Variants in RAB37 observed in about 807,000 individuals in gnomAD.
The protein encoded by RAB37 is ras-related protein Rab-37.
A neutral mutation model predicts 33.1 loss-of-function variants in RAB37; 29 were observed. The observed-to-expected ratio is 0.88, with a 90% CI of 0.65 to 1.20. The LOEUF (loss-of-function observed/expected upper bound fraction) is 1.20, where lower values mean the gene tolerates loss of function less well. Ranked by LOEUF, RAB37 falls within the 50% of genes most tolerant of loss-of-function variation. The pLI is 0.00. For synonymous variants in RAB37, 128 were observed against 119.5 expected, an observed-to-expected ratio of 1.07 and a Z score of -0.47; for missense variants, 299 against 301.1, an observed-to-expected ratio of 0.99 and a Z score of 0.05.
At chr17:74,709,687 T>G (rs2033805630) in intron 1 of RAB37, among the ~76,000 whole-genome samples, 2 of 151,914 alleles carry the variant, frequency 1.3e-5, no homozygotes, top group Admixed American at 1.3e-4. Context: ...TGCTGTAACC[T>G]CTTATGTAGC....
upstream of RAB37, chr17:74,737,031 C>T: frequency 6.2e-7 from 1 of 1,607,066 alleles, no homozygotes; most frequent in Non-Finnish European, 8.5e-7. Context: ...GTCCGAAGCG[C>T]ACGGAGCCGA....
upstream of RAB37, among the ~76,000 whole-genome samples, chr17:74,732,539 G>A (rs375180517): frequency 5.3e-3 from 803 of 150,142 alleles, 3 homozygotes; most frequent in African/African-American, 0.019. Context: ...TGCGTGGTGA[G>A]GTGTGTGGTG....
At chr17:74,728,933 CTG>C (rs1321104447) in intron 1 of RAB37, among the ~76,000 whole-genome samples, 3 of 150,814 alleles carry the variant, frequency 2.0e-5, no homozygotes, top group South Asian at 4.2e-4. Context: ...ATGTATGTTT[CTG>C]TGTCGTGTGT....
At chr17:74,678,912 A>G (rs930716785) in intron 1 of RAB37, among the ~76,000 whole-genome samples, 2 of 152,112 alleles carry the variant, frequency 1.3e-5, no homozygotes, top group African/African-American at 4.8e-5. Context: ...GGAGTTCAAG[A>G]TCAGCCTGGC....
upstream of RAB37, among the ~76,000 whole-genome samples, chr17:74,734,095 T>C (rs11869115): frequency 0.24 from 35,889 of 152,120 alleles, 6,750 homozygotes; most frequent in African/African-American, 0.51. Context: ...GCCAACAACG[T>C]GAACCACAGC....
At chr17:74,700,305 C>G (rs1377225644) in intron 1 of RAB37, among the ~76,000 whole-genome samples, 1 of 152,160 alleles carries the variant, frequency 6.6e-6, no homozygotes, top group Non-Finnish European at 1.5e-5. Flanking sequence ...CTGCTTCACT[C>G]CAGCCTCACT....
chr17:74,709,746 T>C (rs1306099032), intron 1 of RAB37, among the ~76,000 whole-genome samples: 1 of 152,028 alleles, frequency 6.6e-6, no homozygotes, highest in Non-Finnish European at 1.5e-5. Flanking sequence ...GCTAGTATTT[T>C]TTTTTTTGGA....
chr17:74,691,369 C>G (rs755766500), intron 1 of RAB37, among the ~76,000 whole-genome samples: 1 of 152,136 alleles, frequency 6.6e-6, no homozygotes, highest in Non-Finnish European at 1.5e-5. Flanking sequence ...ATGGGTTTAT[C>G]ACGTTGCCCA....
rs2034783872 is a variant in RAB37 at position 74,747,297 on chromosome 17, T to C, written c.*1886T>C. On this transcript the variant is annotated 3_prime_UTR_variant, in exon 9 of 9. Transcript: ENST00000392613. ...TAGACAGCTCTGGGCCTCTTGCATT[T>C]GAGTTTTTCAGAATTAAACTGCAGT... 1 of 151,544 alleles carries C rather than the reference T, an allele frequency of 6.6e-6. No homozygotes were observed. The highest frequency in any genetic ancestry group is 1.5e-5 in the Non-Finnish European group (1 of 67,922). The allele number at this position is 151,544 out of a possible 1,614,324, so 9.4% of individuals were successfully genotyped here. A position where few individuals can be genotyped will look rare whatever the true frequency, so the allele number is the denominator to read the frequency against.
At chr17:74,710,606 C>T (rs956413166) in intron 1 of RAB37, among the ~76,000 whole-genome samples, 1 of 151,974 alleles carries the variant, frequency 6.6e-6, no homozygotes, top group Non-Finnish European at 1.5e-5. Context: ...CGCCTGTAAT[C>T]CCAACACTTT....
chr17:74,671,468 C>G lies in RAB37; in HGVS notation c.-119C>G. 1.1e-6 allele frequency: 1 copy of G among 911,562 alleles called. No homozygotes were observed. The highest frequency in any genetic ancestry group is 1.7e-6 in the Non-Finnish European group (1 of 589,216). The allele number at this position is 911,562 out of a possible 1,614,324, so 56.5% of individuals were successfully genotyped here. ...AACTGTCCAGTGCTGAAAACGGATG[C>G]GGCCCGGCCCGCAGAGCTCAGACCC... On this transcript the variant is annotated 5_prime_UTR_variant, in exon 1 of 8. Transcript: ENST00000340415. This position sits in a 1 kb window ranked among gnomAD's most constrained non-coding sequence, Gnocchi z 5.0.
At chr17:74,678,110 G>C (rs1433014173) in intron 1 of RAB37, among the ~76,000 whole-genome samples, 2 of 152,128 alleles carry the variant, frequency 1.3e-5, no homozygotes, top group Non-Finnish European at 2.9e-5. Context: ...TACCCTTCTT[G>C]CTTCCTTCCT....
rs2034633915 is a variant in RAB37 at position 74,742,134 on chromosome 17, G to C, written c.205-120G>C. On this transcript the variant is annotated intron_variant, in intron 2 of 8. Coordinates refer to ENST00000392613, the MANE Select transcript of RAB37 (RefSeq NM_001006638.3). This position sits in a 1 kb window ranked among gnomAD's most constrained non-coding sequence, Gnocchi z 4.0. ...GCCCTGATGGTATGATCTGGCTGGA[G>C]ACGGTTCTGGGGCTCACTGCACCCA... 2 of 1,229,328 alleles carry C rather than the reference G, an allele frequency of 1.6e-6. No homozygotes were observed. Among genetic ancestry groups the C allele is most frequent in the South Asian group, 2.7e-5 (2 of 73,988 alleles). 76.2% of individuals were successfully genotyped at this position (1,229,328 alleles called of 1,614,324 possible).
chr17:74,728,639 C>T (rs1235898234), intron 1 of RAB37, among the ~76,000 whole-genome samples: 1 of 148,874 alleles, frequency 6.7e-6, no homozygotes, highest in African/African-American at 2.5e-5. Flanking sequence ...GCATCTGTTT[C>T]TGTATGTATA....
In RAB37 at chr17:74,729,367, GTAA is replaced by G; in HGVS notation, c.183+2_183+4del. On this transcript the variant is annotated splice_donor_variant and splice_donor_region_variant and intron_variant, in intron 2 of 7. Coordinates refer to the RAB37 transcript ENST00000340415. LOFTEE classifies it high-confidence loss of function. The surrounding 1 kb of genome is among the most constrained non-coding windows in gnomAD (Gnocchi z 4.2). ...GGCCACTGTGGGCATCGGATTCACGGTAAGCACTGGCCGGCACTGCCAGCTCTG... is the reference window on the plus strand; with the variant it reads ...GGCCACTGTGGGCATCGGATTCACGGGCACTGGCCGGCACTGCCAGCTCTG... The G allele has an allele frequency of 6.2e-7, 1 of 1,610,512 alleles. No individual in the cohort carries two copies.
chr17:74,719,397 C>T (rs1270357202), intron 1 of RAB37, among the ~76,000 whole-genome samples: 1 of 152,162 alleles, frequency 6.6e-6, no homozygotes, highest in African/African-American at 2.4e-5. Flanking sequence ...GCTGCAGTGA[C>T]TCGTCATCAT....
intron 1 of RAB37, among the ~76,000 whole-genome samples, chr17:74,710,053 A>T (rs547969755): frequency 6.6e-6 from 1 of 152,194 alleles, no homozygotes; most frequent in South Asian, 2.1e-4. Context: ...ATCTCGGCTC[A>T]CTGCAAGTTC....
chr17:74,695,106 C>A, intron 1 of RAB37: 1 of 1,613,606 alleles, frequency 6.2e-7, no homozygotes. Context: ...CTAAGGCCTG[C>A]TGATGGTGCT....
At chr17:74,736,934 C>A, upstream of RAB37, 1 of 1,508,614 alleles carries the variant, frequency 6.6e-7, no homozygotes, top group Non-Finnish European at 8.9e-7. Context: ...GGAACTCTTC[C>A]GCAGCAGACG....
Sources: gnomAD v4.1 joint callset for allele counts (sites outside exome capture counted in the v4.1 genomes callset) on GRCh38, gnomAD v4.1.1 for gene constraint, Gnocchi (gnomAD v3.1) non-coding constraint, MANE v1.5 for transcripts, NCBI Gene and HGNC (gene_info 2026-07-23, HGNC 2026-07-21) for gene names.